OOSP4A: variants seen among roughly 807,000 people sequenced by gnomAD.
OOSP4A encodes the protein oocyte-secreted protein 4A.
At chr11:59,970,076 C>T (rs1234776456) in exon 5 of OOSP4A, 3 of 398,028 alleles carry the variant, frequency 7.5e-6, no homozygotes, top group Admixed American at 4.4e-5. Context: ...TGAGCTACCT[C>T]ATTGTATCCC....
chr11:59,965,271 C>G (rs1854087525), intron 1 of OOSP4A, among the ~76,000 whole-genome samples: 1 of 152,136 alleles, frequency 6.6e-6, no homozygotes, highest in African/African-American at 2.4e-5. Context: ...ACGTTGTGCA[C>G]ATGTACCCTA....
chr11:59,970,240 T>TAAA, downstream of OOSP4A: 1 of 393,324 alleles, frequency 2.5e-6, no homozygotes, highest in East Asian at 3.6e-5. Context: ...TATTTTTAAA[T>TAAA]GAAAAAACCT....
chr11:59,968,106 A>G lies in OOSP4A; in HGVS notation c.344+942A>G, dbSNP rs1590564853. 3.9e-5 allele frequency among the ~76,000 whole-genome samples: 6 copies of G among 152,256 alleles called. 2 individuals carry two copies. Among genetic ancestry groups the G allele is most frequent in the Admixed American group, 3.9e-4 (6 of 15,282 alleles). On this transcript the variant is annotated intron_variant, in intron 3 of 4. Coordinates refer to ENST00000645590, the Ensembl canonical transcript of OOSP4A. ...TTTACAGAGCACACAAAGGATTTGG[A>G]GAAGAAGAGGGTTTAGTATAATCTG...
chr11:59,969,500 A>G (rs982877865), intron 4 of OOSP4A, among the ~76,000 whole-genome samples: 11 of 152,212 alleles, frequency 7.2e-5, no homozygotes, highest in South Asian at 2.1e-4. Flanking sequence ...CAGATTTGCA[A>G]TTGTAACCTC....
intron 4 of OOSP4A, among the ~76,000 whole-genome samples, chr11:59,969,614 T>G (rs1054551911): frequency 6.6e-6 from 1 of 152,170 alleles, no homozygotes; most frequent in Admixed American, 6.5e-5. Flanking sequence ...GTAATTGATA[T>G]CTATGTTAAC....
chr11:59,968,402 A>G (rs1590564998), intron 3 of OOSP4A, among the ~76,000 whole-genome samples: 1 of 152,214 alleles, frequency 6.6e-6, no homozygotes, highest in South Asian at 2.1e-4. Flanking sequence ...CGTCCATACA[A>G]CTGCCACTGT....
At chr11:59,969,923 A>G (rs1854138177) in intron 4 of OOSP4A, 126 bp from the exon 5 acceptor site, 2 of 392,230 alleles carry the variant, frequency 5.1e-6, no homozygotes, top group Non-Finnish European at 9.0e-6. Context: ...GAATATTATA[A>G]TGGTCCCTGG....
At chr11:59,969,637 T>A (rs1854135836) in intron 4 of OOSP4A, among the ~76,000 whole-genome samples, 3 of 152,200 alleles carry the variant, frequency 2.0e-5, no homozygotes, top group Admixed American at 2.0e-4. Context: ...TAATTCCAGC[T>A]TTTTGTTCTA....
At chr11:59,969,595 G>T (rs542620637) in intron 4 of OOSP4A, among the ~76,000 whole-genome samples, 2 of 152,152 alleles carry the variant, frequency 1.3e-5, no homozygotes, top group Non-Finnish European at 2.9e-5. Flanking sequence ...ATGGATTCCC[G>T]TAAAGATAGT....
chr11:59,966,497 A>G (rs1281680304), intron 2 of OOSP4A, among the ~76,000 whole-genome samples: 1 of 150,398 alleles, frequency 6.6e-6, no homozygotes, highest in Admixed American at 6.6e-5. Context: ...TGCTTTTTGC[A>G]ATGGAGTCTT....
chr11:59,969,817 T>C (rs1457831812), intron 4 of OOSP4A, among the ~76,000 whole-genome samples: 1 of 152,196 alleles, frequency 6.6e-6, no homozygotes, highest in Non-Finnish European at 1.5e-5. Context: ...TTTATAATCA[T>C]TTACTAAGCA....
chr11:59,967,177 C>G lies in OOSP4A; in HGVS notation c.344+13C>G, dbSNP rs1336915123. 2.5e-6 allele frequency: 1 copy of G among 397,836 alleles called. No homozygotes were observed. Among genetic ancestry groups the G allele is most frequent in the African/African-American group, 2.1e-5 (1 of 48,570 alleles). The allele number at this position is 397,836 out of a possible 1,614,324, so 24.6% of individuals were successfully genotyped here. A position where few individuals can be genotyped will look rare whatever the true frequency, so the allele number is the denominator to read the frequency against. ...GCTATGTGCAAAGGTAAGTGCAGTG[C>G]ACTACTGAGATTAAGGCTATCTAAT... On this transcript the variant is annotated intron_variant, in intron 3 of 4. Coordinates refer to ENST00000645590, the Ensembl canonical transcript of OOSP4A.
At chr11:59,965,626 T>A (rs1401405631) in exon 2 of OOSP4A, 2 of 398,466 alleles carry the variant, frequency 5.0e-6, no homozygotes, top group Non-Finnish European at 8.8e-6. Context: ...ACGAACTCTC[T>A]CTAGGAATTG....
intron 2 of OOSP4A, 119 bp downstream of exon 2, chr11:59,965,832 AGT>A: frequency 2.5e-6 from 1 of 396,180 alleles, no homozygotes; most frequent in South Asian, 1.4e-4. Context: ...TAGTTCATGT[AGT>A]ATTGATTATT....
chr11:59,966,180 T>C (rs1939542), intron 2 of OOSP4A, among the ~76,000 whole-genome samples: 2 of 151,756 alleles, frequency 1.3e-5, no homozygotes, highest in East Asian at 3.9e-4. Flanking sequence ...TTTTTTTTTT[T>C]GCTTTATGTT....
At chr11:59,966,990 T>A (rs750734496) in intron 2 of OOSP4A, 77 bp from the exon 3 acceptor site, 28 of 394,222 alleles carry the variant, frequency 7.1e-5, no homozygotes, top group Admixed American at 2.7e-4. Flanking sequence ...TTGTTTTTAA[T>A]CTATATTTTT....
intron 3 of OOSP4A, among the ~76,000 whole-genome samples, chr11:59,968,235 G>A (rs1010773295): frequency 5.3e-5 from 8 of 152,160 alleles, no homozygotes; most frequent in Non-Finnish European, 1.2e-4. Flanking sequence ...GTGCAATTGT[G>A]GTCCATTTCC....
intron 4 of OOSP4A, among the ~76,000 whole-genome samples, chr11:59,969,788 A>G (rs1388180265): frequency 6.6e-6 from 1 of 152,174 alleles, no homozygotes; most frequent in Non-Finnish European, 1.5e-5. Context: ...TAAACTTCAG[A>G]TGGTGTCCTC....
intron 3 of OOSP4A, among the ~76,000 whole-genome samples, chr11:59,967,978 A>G (rs1460020810): frequency 6.6e-6 from 1 of 152,156 alleles, no homozygotes; most frequent in Non-Finnish European, 1.5e-5. Flanking sequence ...TACTTTTCTT[A>G]TTCATTAACA....
Sources: allele counts gnomAD v4.1 joint callset (sites outside exome capture counted in the v4.1 genomes callset), GRCh38; gene constraint gnomAD v4.1.1; transcripts MANE v1.5; gene names NCBI Gene and HGNC (gene_info 2026-07-23, HGNC 2026-07-21).